LRP8: variants seen among roughly 807,000 people sequenced by gnomAD.
LRP8 encodes the protein LDL receptor related protein 8, also known as low-density lipoprotein receptor-related protein 8.
Under a neutral mutation model 111.6 loss-of-function variants are expected in LRP8, and 46 were observed. That is an observed-to-expected ratio of 0.41 (90% CI 0.33 to 0.53). LRP8 has a LOEUF of 0.53. Ranked by LOEUF, LRP8 falls within the 20% of genes least tolerant of loss-of-function variation. The pLI is 0.20. For missense variants in LRP8, 959 were observed against 1,297.4 expected, an observed-to-expected ratio of 0.74 and a Z score of 4.01; for synonymous variants, 464 against 511.2, an observed-to-expected ratio of 0.91 and a Z score of 1.24.
intron 6 of LRP8, chr1:53,274,690 G>T (rs2100416000): frequency 2.2e-6 from 1 of 456,298 alleles, no homozygotes; most frequent in African/African-American, 2.0e-5. Context: ...GGCGTAGACA[G>T]GCACCGCACC....
intron 15 of LRP8, among the ~76,000 whole-genome samples, 171 bp downstream of exon 15, chr1:53,257,067 CTA>C (rs1646119141): frequency 6.6e-6 from 1 of 152,128 alleles, no homozygotes; most frequent in South Asian, 2.1e-4. Flanking sequence ...GTAGGGGCAC[CTA>C]TGAGTCCTAA....
intron 12 of LRP8, among the ~76,000 whole-genome samples, chr1:53,261,778 G>A (rs1360005487): frequency 6.6e-6 from 1 of 152,172 alleles, no homozygotes; most frequent in Non-Finnish European, 1.5e-5. Context: ...ATGGGTTACA[G>A]TGCTGGGTGC....
chr1:53,260,615 A>G lies in LRP8; in HGVS notation c.1915-10T>C, dbSNP rs1646294983. Reference sequence around the variant, plus strand: ...TCCAGAACACCTTGTCCTGTGGGGTATAGATGCAGAGGATGGGAGGCCTGG... The same window carrying G: ...TCCAGAACACCTTGTCCTGTGGGGTGTAGATGCAGAGGATGGGAGGCCTGG... On this transcript the variant is annotated splice_polypyrimidine_tract_variant and intron_variant, in intron 12 of 18. Transcript: ENST00000306052. 6.2e-7 allele frequency: 1 copy of G among 1,613,430 alleles called. No homozygotes were observed. The highest frequency in any genetic ancestry group is 8.5e-7 in the Non-Finnish European group (1 of 1,179,502).
At chr1:53,314,183 A>T (rs556445749) in intron 2 of LRP8, among the ~76,000 whole-genome samples, 3 of 152,310 alleles carry the variant, frequency 2.0e-5, no homozygotes, top group Admixed American at 2.0e-4. Flanking sequence ...GTGCTGTGCC[A>T]CAGTCATTGC....
chr1:53,247,495 G>A lies in LRP8; in HGVS notation c.2854-439C>T, dbSNP rs78630559. ...TAGCATGCTAATCACATTTAGAAAG[G>A]TAATATACTGCACCTTCCCAACAGA... On this transcript the variant is annotated intron_variant, in intron 18 of 18. Transcript: ENST00000306052. 9.8e-5 allele frequency among the ~76,000 whole-genome samples: 15 copies of A among 152,292 alleles called. No individual in the cohort carries two copies. In the East Asian group the frequency reaches 2.9e-3, roughly 29 times the overall value.
Position 53,317,359 on chromosome 1 carries a change from C to T in LRP8, c.244+9514G>A, listed in dbSNP as rs569497357. Among the ~76,000 whole-genome samples the T allele has an allele frequency of 6.6e-5, 10 of 152,314 alleles. No individual in the cohort carries two copies. The highest frequency in any genetic ancestry group is 3.4e-3 in the Middle Eastern group (1 of 294). ...ACCAAGGCCCCACGTGGCTAACTAC[C>T]GTGGCAGGCCCGGCTGGCTAACCAG... On this transcript the variant is annotated intron_variant, in intron 2 of 18. Transcript: ENST00000306052. The surrounding 1 kb of genome is among the most constrained non-coding windows in gnomAD (Gnocchi z 4.9).
intron 16 of LRP8, among the ~76,000 whole-genome samples, chr1:53,252,209 CT>C (rs1557745732): frequency 6.6e-6 from 1 of 152,010 alleles, no homozygotes; most frequent in African/African-American, 2.4e-5. Context: ...CATTAGCCGT[CT>C]TTTTAATCAG....
chr1:53,275,891 A>T lies in LRP8; in HGVS notation c.884-138T>A. 3.7e-6 allele frequency: 4 copies of T among 1,092,516 alleles called. No individual in the cohort carries two copies. The highest frequency in any genetic ancestry group is 5.2e-6 in the Non-Finnish European group (4 of 770,174). 67.7% of individuals were successfully genotyped at this position (1,092,516 alleles called of 1,614,324 possible). On this transcript the variant is annotated intron_variant, in intron 5 of 18. Transcript: ENST00000306052. This position sits in a 1 kb window ranked among gnomAD's most constrained non-coding sequence, Gnocchi z 4.4. ...CTGAACTCAGGAGTCCTCAAAGGAC[A>T]CCTGGCCAAGGCACCTCAGTGTACA...
At position 53,262,470 on chromosome 1, in the gene LRP8, C is replaced by T. The variant is rs1646378446; in HGVS notation, c.1750G>A (p.Glu584Lys). Residue 584 changes from glutamate (E) to lysine (K), a missense_variant, in exon 11 of 19, where the codon GAA becomes AAA. Around this residue, in one of 3 missense-constraint regions of LRP8, gnomAD observed 819 missense variants for 1,097.6 expected, o/e 0.75. Coordinates refer to ENST00000306052, the MANE Select transcript of LRP8 (RefSeq NM_004631.5). The surrounding 1 kb of genome is among the most constrained non-coding windows in gnomAD (Gnocchi z 4.8). ...DRQTLVSDNI[E>K]WPNGITLDLL... ...CCCAGGGTGATTCCGTTGGGCCATTCAATATTGTCTGACACCAGTGTTTGC... is the reference window on the plus strand; with the variant it reads ...CCCAGGGTGATTCCGTTGGGCCATTTAATATTGTCTGACACCAGTGTTTGC... The T allele has an allele frequency of 1.9e-6, 3 of 1,614,076 alleles. No individual in the cohort carries two copies. Among genetic ancestry groups the T allele is most frequent in the African/African-American group, 1.3e-5 (1 of 74,920 alleles).
intron 2 of LRP8, among the ~76,000 whole-genome samples, chr1:53,318,223 A>T (rs545540069): frequency 6.6e-6 from 1 of 151,526 alleles, no homozygotes. Context: ...ATGAAGGAAC[A>T]GTTTTGTACT....
At chr1:53,314,334 T>A (rs934863479) in intron 2 of LRP8, among the ~76,000 whole-genome samples, 1 of 152,174 alleles carries the variant, frequency 6.6e-6, no homozygotes, top group African/African-American at 2.4e-5. Flanking sequence ...AGCTAACATT[T>A]ATAGAGCCTG....
intron 2 of LRP8, among the ~76,000 whole-genome samples, chr1:53,323,496 G>T (rs766084220): frequency 4.7e-4 from 72 of 152,258 alleles, no homozygotes; most frequent in Admixed American, 2.6e-4. Flanking sequence ...TGAGGCCCAG[G>T]GGCCAGCTGG....
chr1:53,302,152 G>T (rs1428730660), intron 2 of LRP8, among the ~76,000 whole-genome samples: 1 of 152,168 alleles, frequency 6.6e-6, no homozygotes, highest in Non-Finnish European at 1.5e-5. Context: ...GATTTTGGCT[G>T]GCAGTAGTAG....
chr1:53,253,618 G>T (rs1359167996), intron 16 of LRP8, among the ~76,000 whole-genome samples: 1 of 152,114 alleles, frequency 6.6e-6, no homozygotes, highest in Non-Finnish European at 1.5e-5. Context: ...GCATATATCT[G>T]CCTCTTTCTA....
Position 53,271,249 on chromosome 1 carries a change from G to A in LRP8, c.1104C>T (p.Leu368=). 6.2e-7 allele frequency: 1 copy of A among 1,613,922 alleles called. No homozygotes were observed. Among genetic ancestry groups the A allele is most frequent in the African/African-American group, 1.3e-5 (1 of 74,922 alleles). Residue 368 remains leucine, a synonymous_variant, in exon 7 of 19, where the codon CTC becomes CTT. Coordinates refer to ENST00000306052, the MANE Select transcript of LRP8 (RefSeq NM_004631.5). ...CACCGCCACAGGTCTTCTGGTCCAGGAGCTGGAAGCCTGCTGGGCACGTGC... is the reference window on the plus strand; with the variant it reads ...CACCGCCACAGGTCTTCTGGTCCAGAAGCTGGAAGCCTGCTGGGCACGTGC... ...FECTCPAGFQ[L]LDQKTCGDID... is the part of the protein sequence containing the mutation.
At chr1:53,302,289 G>A (rs1221004637) in intron 2 of LRP8, among the ~76,000 whole-genome samples, 1 of 152,164 alleles carries the variant, frequency 6.6e-6, no homozygotes, top group Non-Finnish European at 1.5e-5. Flanking sequence ...TCCATTCTCT[G>A]AAGCTCTTTA....
chr1:53,254,262 G>A (rs1246735367), intron 16 of LRP8, among the ~76,000 whole-genome samples: 1 of 151,878 alleles, frequency 6.6e-6, no homozygotes, highest in East Asian at 2.0e-4. Flanking sequence ...TCTTAACAAA[G>A]TGTTATACTC....
intron 2 of LRP8, among the ~76,000 whole-genome samples, chr1:53,324,291 G>T (rs1271899859): frequency 6.6e-6 from 1 of 152,206 alleles, no homozygotes; most frequent in Non-Finnish European, 1.5e-5. Flanking sequence ...GGCCTAGAAT[G>T]CGGGAAGGGC....
chr1:53,262,358 G>T lies in LRP8; in HGVS notation c.1774+88C>A. 6.6e-7 allele frequency: 1 copy of T among 1,515,696 alleles called. No individual in the cohort carries two copies. The highest frequency in any genetic ancestry group is 9.1e-7 in the Non-Finnish European group (1 of 1,096,848). The allele number at this position is 1,515,696 out of a possible 1,614,324, so 93.9% of individuals were successfully genotyped here. A position where few individuals can be genotyped will look rare whatever the true frequency, so the allele number is the denominator to read the frequency against. On this transcript the variant is annotated intron_variant, in intron 11 of 18. Coordinates refer to ENST00000306052, the MANE Select transcript of LRP8 (RefSeq NM_004631.5). This position sits in a 1 kb window ranked among gnomAD's most constrained non-coding sequence, Gnocchi z 4.8. ...AACAAAGTCACTGGCACCATGAGAGGACCCAGAAACAAGACTCATGGAGTT... is the reference window on the plus strand; with the variant it reads ...AACAAAGTCACTGGCACCATGAGAGTACCCAGAAACAAGACTCATGGAGTT...
Sources: allele counts gnomAD v4.1 joint callset (sites outside exome capture counted in the v4.1 genomes callset), GRCh38; gene constraint gnomAD v4.1.1; regional missense constraint gnomAD v4.1.1; non-coding constraint Gnocchi (gnomAD v3.1); transcripts MANE v1.5; gene names NCBI Gene and HGNC (gene_info 2026-07-23, HGNC 2026-07-21).